The following MNS1 variants were observed in gnomAD, a reference collection of about 807,000 sequenced individuals.
MNS1 encodes meiosis specific nuclear structural 1.
In MNS1, 63 loss-of-function variants were observed where a neutral mutation model predicts 72.0. The ratio of observed to expected loss-of-function variants is 0.87; its 90% CI spans 0.71 to 1.08. The LOEUF is 1.08. Ranked by LOEUF, MNS1 falls within the 50% of genes least tolerant of loss-of-function variation. The pLI is 0.00. For missense variants in MNS1, 604 were observed against 562.4 expected (o/e 1.07, Z -0.75); for synonymous variants, 188 against 172.1 (o/e 1.09, Z -0.72).
intron 7 of MNS1, among the ~76,000 whole-genome samples, chr15:56,436,102 A>G (rs1473740127): frequency 2.0e-5 from 3 of 152,140 alleles, no homozygotes; most frequent in African/African-American, 4.8e-5. Context: ...TGCACCAAGC[A>G]GACCTAATAG....
At chr15:56,453,097 G>A (rs1001012606) in intron 3 of MNS1, among the ~76,000 whole-genome samples, 1 of 151,906 alleles carries the variant, frequency 6.6e-6, no homozygotes, top group African/African-American at 2.4e-5. Context: ...TTGTTTCCAG[G>A]TGAATAAATT....
intron 5 of MNS1, 144 bp from the exon 6 acceptor site, chr15:56,443,998 C>G (rs2050864867): frequency 1.5e-6 from 1 of 667,350 alleles, no homozygotes; most frequent in South Asian, 2.4e-5. Flanking sequence ...TTACTGTGTG[C>G]TAAATATAAT....
chr15:56,428,745 T>TTTA lies in MNS1; in HGVS notation c.*353_*355dup, dbSNP rs879510715. On this transcript the variant is annotated 3_prime_UTR_variant, in exon 10 of 10. Coordinates refer to ENST00000260453, the MANE Select transcript of MNS1 (RefSeq NM_018365.4). ...ATGCTTTAAAAGAAAATTCCAAATA[T>TTTA]TTATTTCCCTGGCTAAATCAAGTAA... 2.8e-6 allele frequency: 1 copy of TTTA among 357,020 alleles called. No individual in the cohort carries two copies. Among genetic ancestry groups the TTTA allele is most frequent in the Non-Finnish European group, 5.0e-6 (1 of 198,632 alleles). 22.1% of individuals were successfully genotyped at this position (357,020 alleles called of 1,614,324 possible).
At chr15:56,458,637 C>CAACTT (rs2050996392) in intron 2 of MNS1, among the ~76,000 whole-genome samples, 1 of 152,164 alleles carries the variant, frequency 6.6e-6, no homozygotes, top group South Asian at 2.1e-4. Context: ...ATCCTAAAAA[C>CAACTT]AACTTACATT....
intron 1 of MNS1, among the ~76,000 whole-genome samples, chr15:56,464,451 A>G (rs1175051700): frequency 2.0e-5 from 3 of 152,170 alleles, no homozygotes; most frequent in East Asian, 1.9e-4. Context: ...TACCTATTTT[A>G]TAGATGAAAC....
intron 3 of MNS1, among the ~76,000 whole-genome samples, chr15:56,449,825 A>G (rs1216063987): frequency 2.0e-5 from 3 of 152,178 alleles, no homozygotes; most frequent in African/African-American, 7.2e-5. Context: ...ACATTTTCAA[A>G]TTTATTTTCA....
chr15:56,447,104 C>G, intron 3 of MNS1, 161 bp from the exon 4 acceptor site: 3 of 563,212 alleles, frequency 5.3e-6, no homozygotes, highest in South Asian at 4.6e-5. Flanking sequence ...TTAATGGATG[C>G]CTTTAGGGCA....
chr15:56,460,120 G>A (rs1596269066), intron 2 of MNS1, among the ~76,000 whole-genome samples: 2 of 147,338 alleles, frequency 1.4e-5, no homozygotes, highest in African/African-American at 2.5e-5. Context: ...TTGTTCCAAC[G>A]TGGGGAAGTT....
intron 3 of MNS1, chr15:56,447,525 C>T (rs531244219): frequency 6.6e-6 from 1 of 152,106 alleles, no homozygotes; most frequent in African/African-American, 2.4e-5. Flanking sequence ...AGGTATTTTT[C>T]ATATCCTTCT....
intron 2 of MNS1, among the ~76,000 whole-genome samples, chr15:56,463,440 C>A (rs533479170): frequency 2.0e-5 from 3 of 152,054 alleles, no homozygotes; most frequent in Non-Finnish European, 2.9e-5. Flanking sequence ...TTAAAACAAT[C>A]CTAAGTAGGA....
intron 8 of MNS1, 87 bp from the exon 9 acceptor site, chr15:56,431,585 G>A (rs1440503804): frequency 7.6e-7 from 1 of 1,311,540 alleles, no homozygotes; most frequent in East Asian, 2.4e-5. Context: ...CAATGAATTA[G>A]ATAAAATTGA....
At chr15:56,437,889 C>G (rs372844467) in intron 7 of MNS1, among the ~76,000 whole-genome samples, 1 of 152,066 alleles carries the variant, frequency 6.6e-6, no homozygotes, top group East Asian at 1.9e-4. Context: ...AATAAAATAC[C>G]TAGGAATCCA....
rs764488201 is a variant in MNS1, at chr15:56,444,439, C to T, written c.686+5G>A. 1.2e-6 allele frequency: 2 copies of T among 1,601,084 alleles called. No individual in the cohort carries two copies. Among genetic ancestry groups the T allele is most frequent in the Admixed American group, 3.4e-5 (2 of 58,344 alleles). ...AGACATGTAAGAAAGTTAGGATAAA[C>T]TTACAACTGATCTTCTTCATAGATC... On this transcript the variant is annotated splice_donor_5th_base_variant and intron_variant, in intron 5 of 9. Coordinates refer to ENST00000260453, the MANE Select transcript of MNS1 (RefSeq NM_018365.4).
intron 1 of MNS1, 71 bp downstream of exon 1, chr15:56,464,899 A>G (rs1341033397): frequency 1.2e-6 from 2 of 1,600,894 alleles, no homozygotes; most frequent in Admixed American, 3.4e-5. Flanking sequence ...CCTTTTTTAG[A>G]AGCAGATGAG....
rs1333321581 is a variant in MNS1 at position 56,444,613 on chromosome 15, C to T, written c.517G>A (p.Glu173Lys). The T allele has an allele frequency of 5.6e-6, 9 of 1,613,042 alleles. No homozygotes were observed. The East Asian group carries it at 1.3e-4, about 24-fold the overall frequency. ...MEEHKRIIKE[E>K]NAAEDKRNKA... ...TTTCGTTTGTCTTCTGCAGCATTCT[C>T]TTCCTTTATTATTCTCTTGTGTTCT... Residue 173 changes from glutamate to lysine, a missense_variant, in exon 5 of 10, where the codon GAG becomes AAG. Coordinates refer to ENST00000260453, the MANE Select transcript of MNS1 (RefSeq NM_018365.4).
intron 3 of MNS1, among the ~76,000 whole-genome samples, chr15:56,451,501 C>T (rs562124856): frequency 9.9e-5 from 15 of 152,046 alleles, no homozygotes; most frequent in Admixed American, 2.6e-4. Context: ...TGTTTGTAGT[C>T]GGGGGATGGG....
intron 1 of MNS1, among the ~76,000 whole-genome samples, 195 bp downstream of exon 1, chr15:56,464,775 C>T (rs2051047686): frequency 6.6e-6 from 1 of 152,040 alleles, no homozygotes; most frequent in Admixed American, 6.5e-5. Flanking sequence ...ATACACTATG[C>T]GAAAAGTGCC....
intron 7 of MNS1, among the ~76,000 whole-genome samples, chr15:56,436,426 A>G (rs1368022347): frequency 6.6e-6 from 1 of 152,178 alleles, no homozygotes; most frequent in Non-Finnish European, 1.5e-5. Context: ...AAGACACAAC[A>G]TACCAGAATC....
intron 7 of MNS1, among the ~76,000 whole-genome samples, chr15:56,442,841 A>G (rs567073974): frequency 2.0e-4 from 31 of 152,148 alleles, no homozygotes; most frequent in African/African-American, 7.5e-4. Flanking sequence ...CATGACCCAC[A>G]AATTTACCCC....
Sources: gnomAD v4.1 joint callset for allele counts (sites outside exome capture counted in the v4.1 genomes callset) on GRCh38, gnomAD v4.1.1 for gene constraint, MANE v1.5 for transcripts, NCBI Gene and HGNC (gene_info 2026-07-23, HGNC 2026-07-21) for gene names.